Variants in ZNF730 observed in about 807,000 individuals in gnomAD.
The protein encoded by ZNF730 is putative zinc finger protein 730.
Under a neutral mutation model 12.6 loss-of-function variants are expected in ZNF730, and 12 were observed. The observed-to-expected ratio is 0.95, with a 90% CI of 0.61 to 1.54. ZNF730 has a LOEUF of 1.54. ZNF730 is among the 40% of genes most tolerant of loss of function. The pLI is 0.00. For missense variants in ZNF730, 643 were observed against 583.5 expected (o/e 1.10, Z -1.05); for synonymous variants, 194 against 195.8 (o/e 0.99, Z 0.08).
intron 1 of ZNF730, among the ~76,000 whole-genome samples, chr19:23,093,960 G>A (rs937072819): frequency 4.6e-5 from 7 of 152,160 alleles, no homozygotes; most frequent in Non-Finnish European, 8.8e-5. Flanking sequence ...AAGAGTGTAG[G>A]ACTTGGCCAC....
intron 1 of ZNF730, among the ~76,000 whole-genome samples, chr19:23,082,929 C>T (rs1339380152): frequency 2.6e-5 from 4 of 152,076 alleles, no homozygotes; most frequent in East Asian, 1.9e-4. Context: ...GAACTCCTGA[C>T]GTCAGGTCAT....
chr19:23,143,093 A>C (rs908373672), intron 3 of ZNF730, among the ~76,000 whole-genome samples: 1 of 151,822 alleles, frequency 6.6e-6, no homozygotes. Flanking sequence ...AAACACAAAA[A>C]ATTAGCCGGG....
chr19:23,125,296 A>G (rs191514402), intron 1 of ZNF730, among the ~76,000 whole-genome samples: 2 of 152,198 alleles, frequency 1.3e-5, no homozygotes, highest in Non-Finnish European at 2.9e-5. Context: ...GAAAATGTGC[A>G]TGTGACTTTG....
chr19:23,095,165 T>C (rs1970227449), intron 1 of ZNF730: 3 of 388,734 alleles, frequency 7.7e-6, no homozygotes, highest in Non-Finnish European at 1.4e-5. Flanking sequence ...GTAATGTGAC[T>C]ATCTTACTGC....
At chr19:23,129,087 A>G (rs1970709573) in intron 1 of ZNF730, among the ~76,000 whole-genome samples, 1 of 152,194 alleles carries the variant, frequency 6.6e-6, no homozygotes, top group Non-Finnish European at 1.5e-5. Context: ...TTTCAGAGCT[A>G]TATGGGAACC....
At chr19:23,109,893 T>A (rs1307028074) in intron 1 of ZNF730, among the ~76,000 whole-genome samples, 1 of 152,042 alleles carries the variant, frequency 6.6e-6, no homozygotes, top group African/African-American at 2.4e-5. Flanking sequence ...TATATCTAAT[T>A]GTCATAATTA....
At chr19:23,082,520 G>A (rs1028775730) in intron 1 of ZNF730, among the ~76,000 whole-genome samples, 2 of 151,316 alleles carry the variant, frequency 1.3e-5, no homozygotes. Context: ...CTAATTTTTT[G>A]TATTTCAGTA....
chr19:23,080,753 C>G (rs895589335), intron 1 of ZNF730, among the ~76,000 whole-genome samples: 11 of 152,016 alleles, frequency 7.2e-5, no homozygotes, highest in Admixed American at 5.2e-4. Flanking sequence ...TGAAGCTTCC[C>G]CCTTCTGTAT....
chr19:23,131,261 TGACAGAGAAACAGAAAAAAA>T (rs1012998151), intron 1 of ZNF730, among the ~76,000 whole-genome samples: 3 of 152,174 alleles, frequency 2.0e-5, no homozygotes, highest in African/African-American at 7.2e-5. Context: ...AAAAGGTCAA[TGACAGAGAAACAGAAAAAAA>T]TATGGATCAT....
intron 1 of ZNF730, chr19:23,127,904 C>A (rs1177471040): frequency 8.9e-6 from 6 of 676,434 alleles, no homozygotes; most frequent in South Asian, 3.2e-5. Flanking sequence ...CGTAAACTGC[C>A]AAAATATGAT....
In ZNF730 at chr19:23,080,911, T is replaced by A. The variant is rs367872165; in HGVS notation, c.-94+5524T>A. On this transcript the variant is annotated intron_variant, in intron 1 of 2. Transcript: ENST00000593635. ...CCCAGGCTAGAGTGCAGTGGCACAA[T>A]CTCGGTTTACTGCAATCTCTGCCTC... Among the ~76,000 whole-genome samples, 115 of 149,126 alleles carry A rather than the reference T, an allele frequency of 7.7e-4. 3 individuals carry two copies. The East Asian group carries it at 0.019, about 24-fold the overall frequency.
At chr19:23,102,462 G>A (rs999522158) in intron 1 of ZNF730, among the ~76,000 whole-genome samples, 3 of 151,598 alleles carry the variant, frequency 2.0e-5, no homozygotes, top group African/African-American at 4.8e-5. Context: ...GCTCACAGGT[G>A]TGATGATGTT....
intron 3 of ZNF730, chr19:23,144,135 G>A (rs1015354362): frequency 4.0e-5 from 6 of 151,394 alleles, no homozygotes; most frequent in African/African-American, 1.5e-4. Context: ...AAATTAATGT[G>A]TACATCTTTT....
rs1250264502 is a variant in ZNF730, at chr19:23,138,005, C to CAGAAA, written c.226+1962_226+1963insAGAAA. On this transcript the variant is annotated intron_variant, in intron 3 of 3. Coordinates refer to ENST00000597761, the MANE Select transcript of ZNF730 (RefSeq NM_001277403.2). ...TGTAGATGAAAATGGCTTTCACGGCCGGGCGCGGTGGCTCACGCCTGTAAT... is the reference window on the plus strand; with the variant it reads ...TGTAGATGAAAATGGCTTTCACGGCCAGAAAGGGCGCGGTGGCTCACGCCTGTAAT... Among the ~76,000 whole-genome samples, 57 of 17,074 alleles carry CAGAAA rather than the reference C, an allele frequency of 3.3e-3. 5 individuals carry two copies. Among genetic ancestry groups the CAGAAA allele is most frequent in the Admixed American group, 8.7e-3 (7 of 806 alleles). 11.2% of individuals were successfully genotyped at this position (17,074 alleles called of 152,430 possible).
intron 1 of ZNF730, chr19:23,123,591 A>C (rs1474523515): frequency 6.6e-6 from 1 of 151,980 alleles, no homozygotes; most frequent in East Asian, 1.9e-4. Flanking sequence ...AAAAAAAAAA[A>C]AAGAAACCTT....
At chr19:23,143,848 G>A (rs922250516) in intron 3 of ZNF730, 4 of 151,968 alleles carry the variant, frequency 2.6e-5, no homozygotes, top group Non-Finnish European at 4.4e-5. Flanking sequence ...TTATCTTGTA[G>A]CTCCCAAGAT....
intron 1 of ZNF730, among the ~76,000 whole-genome samples, chr19:23,078,721 C>G (rs995301628): frequency 2.0e-5 from 3 of 152,168 alleles, no homozygotes; most frequent in Admixed American, 6.5e-5. Context: ...TCGTCCCACC[C>G]GACGAGAAAC....
At chr19:23,135,465 C>G (rs1346407066) in intron 2 of ZNF730, among the ~76,000 whole-genome samples, 1 of 151,598 alleles carries the variant, frequency 6.6e-6, no homozygotes, top group Non-Finnish European at 1.5e-5. Context: ...AATTAAGAAC[C>G]TATAAAATTA....
intron 1 of ZNF730, among the ~76,000 whole-genome samples, chr19:23,106,501 T>A (rs1970393945): frequency 6.6e-6 from 1 of 151,944 alleles, no homozygotes; most frequent in South Asian, 2.1e-4. Context: ...TTAAAGAGGG[T>A]TGGAATGAGG....
Sources: allele counts gnomAD v4.1 joint callset (sites outside exome capture counted in the v4.1 genomes callset), GRCh38; gene constraint gnomAD v4.1.1; transcripts MANE v1.5; gene names NCBI Gene and HGNC (gene_info 2026-07-23, HGNC 2026-07-21).